KCNB2: variants seen among roughly 807,000 people sequenced by gnomAD.
The protein encoded by KCNB2 is delayed rectifier potassium channel protein.
KCNB2 carries 15 observed loss-of-function variants against 61.5 expected under a neutral mutation model. That is an observed-to-expected ratio of 0.24 (90% CI 0.16 to 0.38). The LOEUF is 0.38. Ranked by LOEUF, KCNB2 falls within the 10% of genes least tolerant of loss-of-function variation. The probability of loss-of-function intolerance (pLI) is 1.00; values close to 1 mark genes in which losing one functional copy is unlikely to be tolerated. For synonymous variants in KCNB2, 457 were observed against 446.0 expected (o/e 1.02, Z -0.31); for missense variants, 828 against 1,125.2 (o/e 0.74, Z 3.78).
chr8:72,689,725 G>A (rs1260925990), intron 2 of KCNB2, among the ~76,000 whole-genome samples: 2 of 152,056 alleles, frequency 1.3e-5, no homozygotes, highest in African/African-American at 2.4e-5. Context: ...GCATATATCA[G>A]TATTTCATTC....
At chr8:72,790,718 C>A (rs553126683) in intron 2 of KCNB2, among the ~76,000 whole-genome samples, 1 of 152,200 alleles carries the variant, frequency 6.6e-6, no homozygotes, top group African/African-American at 2.4e-5. Flanking sequence ...CTTTGAAAAA[C>A]ACCTTACAGA....
chr8:72,558,866 C>T (rs963860540), intron 1 of KCNB2, among the ~76,000 whole-genome samples: 12 of 152,014 alleles, frequency 7.9e-5, no homozygotes, highest in Admixed American at 2.0e-4. Flanking sequence ...ATTGGATCGT[C>T]AGGGAGGTCA....
chr8:72,722,712 A>G (rs186955023), intron 2 of KCNB2, among the ~76,000 whole-genome samples: 1 of 152,262 alleles, frequency 6.6e-6, no homozygotes, highest in Non-Finnish European at 1.5e-5. Context: ...ACTTTGCTCT[A>G]GATGCCTAGA....
At chr8:72,584,310 A>G (rs1806963082) in intron 2 of KCNB2, among the ~76,000 whole-genome samples, 1 of 152,126 alleles carries the variant, frequency 6.6e-6, no homozygotes, top group African/African-American at 2.4e-5. Flanking sequence ...AAGCGGGGAG[A>G]GTTAAAGTCT....
At position 72,937,845 on chromosome 8, in the gene KCNB2, C is replaced by A. The variant is rs756573146; in HGVS notation, c.2490C>A (p.Ser830Arg). ...GGGAGGAGAAGCAGGTGGACTCCAGCCCAAATTGCTTTGCAGATAAGCCTA... is the reference window on the plus strand; with the variant it reads ...GGGAGGAGAAGCAGGTGGACTCCAGACCAAATTGCTTTGCAGATAAGCCTA... ...GAREEKQVDS[S>R]PNCFADKPSD... The change falls in exon 3 of 3, where the codon AGC becomes AGA. Residue 830 changes from serine to arginine, a missense_variant. Around this residue, in one of 4 missense-constraint regions of KCNB2, gnomAD observed 559 missense variants for 588.4 expected, o/e 0.95. Coordinates refer to ENST00000523207, the MANE Select transcript of KCNB2 (RefSeq NM_004770.3). 90 of 1,613,970 alleles carry A rather than the reference C, an allele frequency of 5.6e-5. No homozygotes were observed. Among genetic ancestry groups the A allele is most frequent in the Non-Finnish European group, 7.5e-5 (89 of 1,180,006 alleles).
chr8:72,790,030 G>A (rs751445053), intron 2 of KCNB2, among the ~76,000 whole-genome samples: 1 of 152,178 alleles, frequency 6.6e-6, no homozygotes, highest in African/African-American at 2.4e-5. Context: ...ATGCTCAGAA[G>A]CAATAGAGGG....
chr8:72,825,296 A>G (rs922205176), intron 2 of KCNB2, among the ~76,000 whole-genome samples: 1 of 152,186 alleles, frequency 6.6e-6, no homozygotes, highest in African/African-American at 2.4e-5. Context: ...CCATTCTTCC[A>G]TCTATGGCAT....
At position 72,937,675 on chromosome 8, in the gene KCNB2, T is replaced by G. The variant is rs1806951938; in HGVS notation, c.2320T>G (p.Ser774Ala). Reference protein sequence around the residue: ...GDRPLLGTEVSAPCQGPSKGL... With the variant: ...GDRPLLGTEVAAPCQGPSKGL... ...CAGACCCTTGCTGGGCACTGAGGTTTCAGCGCCTTGTCAGGGACCTTCCAA... is the reference window on the plus strand; with the variant it reads ...CAGACCCTTGCTGGGCACTGAGGTTGCAGCGCCTTGTCAGGGACCTTCCAA... Residue 774 changes from serine (S) to alanine (A), a missense_variant, in exon 3 of 3, where the codon TCA (serine) becomes GCA (alanine). This residue lies in a region of KCNB2 where 559 missense variants were observed against 588.4 expected (regional missense o/e 0.95). Coordinates refer to ENST00000523207, the MANE Select transcript of KCNB2 (RefSeq NM_004770.3). The G allele has an allele frequency of 6.2e-7, 1 of 1,613,994 alleles. No individual in the cohort carries two copies. The highest frequency in any genetic ancestry group is 1.3e-5 in the African/African-American group (1 of 75,016).
At chr8:72,665,242 C>T (rs538603004) in intron 2 of KCNB2, among the ~76,000 whole-genome samples, 123 of 152,210 alleles carry the variant, frequency 8.1e-4, no homozygotes, top group African/African-American at 2.6e-3. Flanking sequence ...AAGAGGACCA[C>T]GGTCTTTGCT....
intron 2 of KCNB2, among the ~76,000 whole-genome samples, chr8:72,890,739 G>T (rs1210811626): frequency 6.6e-6 from 1 of 152,208 alleles, no homozygotes; most frequent in African/African-American, 2.4e-5. Context: ...AGGAAGAAGT[G>T]AAGGAGCCAC....
chr8:72,554,470 T>C lies in KCNB2; in HGVS notation c.-93-13172T>C, dbSNP rs145661138. 6.6e-5 allele frequency among the ~76,000 whole-genome samples: 10 copies of C among 152,266 alleles called. No individual in the cohort carries two copies. The East Asian group carries it at 1.9e-3, about 29-fold the overall frequency. On this transcript the variant is annotated intron_variant, in intron 1 of 2. Coordinates refer to ENST00000523207, the MANE Select transcript of KCNB2 (RefSeq NM_004770.3). ...ACCAGTATTTATAGGTTTCACTGGG[T>C]ATGAGATAGTCAGATTACTCTTGCT... is the stretch of plus-strand genomic sequence containing the variant.
rs1007962601 is a variant in KCNB2 at position 72,846,674 on chromosome 8, C to T, written c.580-89261C>T. On this transcript the variant is annotated intron_variant, in intron 2 of 2. Transcript: ENST00000523207. Reference sequence around the variant, plus strand: ...ATGAAAAAATGCTTATCATCACTGGCCATCAGAGAAATGCAAATCAAAATG... The same window carrying T: ...ATGAAAAAATGCTTATCATCACTGGTCATCAGAGAAATGCAAATCAAAATG... 2.0e-5 allele frequency among the ~76,000 whole-genome samples: 3 copies of T among 152,130 alleles called. No homozygotes were observed. In the East Asian group the frequency reaches 5.8e-4, roughly 29 times the overall value.
chr8:72,916,952 T>C (rs984185300), intron 2 of KCNB2, among the ~76,000 whole-genome samples: 1 of 152,124 alleles, frequency 6.6e-6, no homozygotes, highest in Non-Finnish European at 1.5e-5. Flanking sequence ...CGATGGGAGA[T>C]GGGGCAGACC....
chr8:72,775,396 C>T (rs1808632461), intron 2 of KCNB2, among the ~76,000 whole-genome samples: 1 of 152,128 alleles, frequency 6.6e-6, no homozygotes, highest in Non-Finnish European at 1.5e-5. Flanking sequence ...CAATTTTGAG[C>T]CCTGTTAGAA....
At chr8:72,567,083 C>T (rs1458719144) in intron 1 of KCNB2, among the ~76,000 whole-genome samples, 1 of 151,960 alleles carries the variant, frequency 6.6e-6, no homozygotes, top group African/African-American at 2.4e-5. Context: ...TACTTTGGAA[C>T]GCTGAGGCAG....
chr8:72,859,287 T>C (rs1810256992), intron 2 of KCNB2, among the ~76,000 whole-genome samples: 1 of 152,160 alleles, frequency 6.6e-6, no homozygotes, highest in African/African-American at 2.4e-5. Context: ...AAGTGTAGTA[T>C]GGAATATTAC....
intron 1 of KCNB2, among the ~76,000 whole-genome samples, chr8:72,556,592 A>G (rs888813540): frequency 6.6e-6 from 1 of 152,156 alleles, no homozygotes; most frequent in Non-Finnish European, 1.5e-5. Flanking sequence ...AATGAATAGA[A>G]AAAAATCAAG....
At chr8:72,618,293 T>C (rs1249044900) in intron 2 of KCNB2, among the ~76,000 whole-genome samples, 1 of 152,202 alleles carries the variant, frequency 6.6e-6, no homozygotes, top group African/African-American at 2.4e-5. Flanking sequence ...CCCCAAATTA[T>C]TTTTGAGGTC....
chr8:72,676,324 T>A (rs940268358), intron 2 of KCNB2, among the ~76,000 whole-genome samples: 1 of 152,088 alleles, frequency 6.6e-6, no homozygotes, highest in African/African-American at 2.4e-5. Flanking sequence ...ATGAAATTGT[T>A]GTACCTCTGT....
Sources: allele counts gnomAD v4.1 joint callset (sites outside exome capture counted in the v4.1 genomes callset), GRCh38; gene constraint gnomAD v4.1.1; regional missense constraint gnomAD v4.1.1; transcripts MANE v1.5; gene names NCBI Gene and HGNC (gene_info 2026-07-23, HGNC 2026-07-21).